Variants in STRN observed in about 807,000 individuals in gnomAD.
STRN encodes striatin, also known as protein phosphatase 2 regulatory subunit B'''alpha.
In STRN, 53 loss-of-function variants were observed where a neutral mutation model predicts 96.3. That is an observed-to-expected ratio of 0.55 (90% CI 0.44 to 0.69). STRN has a LOEUF of 0.69. Ranked by LOEUF, STRN falls within the 30% of genes least tolerant of loss-of-function variation. The probability of loss-of-function intolerance (pLI) is 0.00; values close to 1 mark genes in which losing one functional copy is unlikely to be tolerated. For synonymous variants in STRN, 428 were observed against 355.9 expected, an observed-to-expected ratio of 1.20 and a Z score of -2.28; for missense variants, 987 against 963.9, an observed-to-expected ratio of 1.02 and a Z score of -0.32.
At chr2:36,862,804 G>C (rs1668525646) in intron 12 of STRN, among the ~76,000 whole-genome samples, 2 of 151,090 alleles carry the variant, frequency 1.3e-5, no homozygotes, top group South Asian at 4.2e-4. Flanking sequence ...GCGCGATCTT[G>C]GCTCACTGCA....
chr2:36,908,967 C>A (rs866968093), intron 3 of STRN, among the ~76,000 whole-genome samples: 7 of 148,824 alleles, frequency 4.7e-5, no homozygotes, highest in Admixed American at 2.0e-4. Context: ...GGCGACAGAG[C>A]AAGCCTCTAT....
intron 1 of STRN, among the ~76,000 whole-genome samples, chr2:36,950,407 G>A (rs1165428570): frequency 1.3e-5 from 2 of 152,010 alleles, no homozygotes; most frequent in African/African-American, 2.4e-5. Flanking sequence ...GTAGAGATGA[G>A]GTTTCACCAT....
At chr2:36,918,224 G>A (rs942221057) in intron 2 of STRN, among the ~76,000 whole-genome samples, 26 of 152,088 alleles carry the variant, frequency 1.7e-4, no homozygotes, top group African/African-American at 6.0e-4. Context: ...TTGATCATCA[G>A]AAGGTAAGAT....
intron 1 of STRN, among the ~76,000 whole-genome samples, chr2:36,937,926 T>C (rs1670748126): frequency 6.6e-6 from 1 of 151,760 alleles, no homozygotes; most frequent in African/African-American, 2.4e-5. Flanking sequence ...TAAAGAAAAG[T>C]AGGGGAAAAA....
At chr2:36,943,464 A>G (rs1240514344) in intron 1 of STRN, among the ~76,000 whole-genome samples, 1 of 152,040 alleles carries the variant, frequency 6.6e-6, no homozygotes, top group Non-Finnish European at 1.5e-5. Context: ...TCTAAGTATT[A>G]TATTTATTAA....
At position 36,847,168 on chromosome 2, in the gene STRN, T is replaced by C. The variant is rs1198250760; in HGVS notation, c.*2288A>G. ...TCTAAGGAACTTTCAACAGTTCCAT[T>C]TGCGCTACAGTCTATGTATCTCATG... On this transcript the variant is annotated 3_prime_UTR_variant, in exon 18 of 18. Coordinates refer to ENST00000263918, the MANE Select transcript of STRN (RefSeq NM_003162.4). 1 of 152,176 alleles carries C rather than the reference T, an allele frequency of 6.6e-6. No homozygotes were observed. The highest frequency in any genetic ancestry group is 1.5e-5 in the Non-Finnish European group (1 of 68,016). 9.4% of individuals were successfully genotyped at this position (152,176 alleles called of 1,614,324 possible). A position where few individuals can be genotyped will look rare whatever the true frequency, so the allele number is the denominator to read the frequency against.
chr2:36,882,188 AAAAAAAACAAG>A (rs1156390121), intron 9 of STRN, among the ~76,000 whole-genome samples: 1 of 151,956 alleles, frequency 6.6e-6, no homozygotes, highest in Non-Finnish European at 1.5e-5. Flanking sequence ...TAATTTATTA[AAAAAAAACAAG>A]AAAAAAACAT....
Position 36,966,260 on chromosome 2 carries a change from G to T in STRN, c.204C>A (p.Ala68=), listed in dbSNP as rs367721265. The T allele has an allele frequency of 2.0e-5, 31 of 1,587,226 alleles. No homozygotes were observed. The highest frequency in any genetic ancestry group is 6.8e-6 in the Non-Finnish European group (8 of 1,168,878). ...GCTCCGCCCGCTCCACCTCCCACTG[G>T]GCTCTCTCCACCTCGAAGCGGGCCC... is the stretch of plus-strand genomic sequence containing the variant. The part of the protein sequence containing the change: ...HEWARFEVER[A]QWEVERAELQ... Residue 68 remains alanine (A), a synonymous_variant, in exon 1 of 18, where the codon GCC becomes GCA. Transcript: ENST00000263918.
chr2:36,894,394 C>T (rs1202258648), intron 6 of STRN, among the ~76,000 whole-genome samples: 1 of 152,012 alleles, frequency 6.6e-6, no homozygotes, highest in South Asian at 2.1e-4. Context: ...TATTTTTTTC[C>T]CTAAAATGTT....
At chr2:36,929,648 G>T (rs200795049) in intron 1 of STRN, among the ~76,000 whole-genome samples, 1 of 152,134 alleles carries the variant, frequency 6.6e-6, no homozygotes, top group Non-Finnish European at 1.5e-5. Flanking sequence ...CTCCCTAAGC[G>T]CTGGGATTAC....
chr2:36,964,492 C>G (rs1335538815), intron 1 of STRN, among the ~76,000 whole-genome samples: 1 of 152,014 alleles, frequency 6.6e-6, no homozygotes, highest in Non-Finnish European at 1.5e-5. Context: ...TTGTTGGAGA[C>G]TATATAAACA....
chr2:36,852,329 G>A (rs1164229388), intron 15 of STRN, among the ~76,000 whole-genome samples: 1 of 152,154 alleles, frequency 6.6e-6, no homozygotes, highest in East Asian at 1.9e-4. Context: ...TCCAGGGAGA[G>A]GAAGGGGTGT....
intron 7 of STRN, among the ~76,000 whole-genome samples, chr2:36,887,152 G>C (rs1432836141): frequency 1.3e-5 from 2 of 151,648 alleles, no homozygotes; most frequent in Non-Finnish European, 2.9e-5. Context: ...TTCTCGGCCA[G>C]GTGGGGTGGC....
intron 1 of STRN, among the ~76,000 whole-genome samples, chr2:36,942,074 G>A (rs1375179441): frequency 6.6e-6 from 1 of 152,116 alleles, no homozygotes; most frequent in Admixed American, 6.5e-5. Context: ...TGACCAATGA[G>A]TGATACATGT....
At chr2:36,934,119 A>G (rs575020092) in intron 1 of STRN, among the ~76,000 whole-genome samples, 23 of 152,322 alleles carry the variant, frequency 1.5e-4, no homozygotes, top group African/African-American at 4.8e-4. Context: ...GAAAGAAAAA[A>G]GAAAAAAAAC....
At chr2:36,900,505 G>C (rs966646671) in intron 5 of STRN, among the ~76,000 whole-genome samples, 1 of 152,164 alleles carries the variant, frequency 6.6e-6, no homozygotes, top group Non-Finnish European at 1.5e-5. Context: ...ATTGCTACTA[G>C]ACTCGACCCT....
intron 1 of STRN, among the ~76,000 whole-genome samples, chr2:36,927,651 G>C (rs1359527807): frequency 5.9e-5 from 9 of 151,270 alleles, no homozygotes; most frequent in African/African-American, 1.9e-4. Flanking sequence ...AACATACCAA[G>C]ACATCTCATA....
chr2:36,906,016 A>G (rs1374255727), intron 3 of STRN, among the ~76,000 whole-genome samples: 1 of 152,226 alleles, frequency 6.6e-6, no homozygotes, highest in Non-Finnish European at 1.5e-5. Context: ...AACTAAGGGT[A>G]TAACTGGATT....
At chr2:36,932,337 TAG>T (rs1403875317) in intron 1 of STRN, among the ~76,000 whole-genome samples, 1 of 151,932 alleles carries the variant, frequency 6.6e-6, no homozygotes, top group Non-Finnish European at 1.5e-5. Flanking sequence ...GTATTTTTAG[TAG>T]AGACAGGGTT....
Sources: gnomAD v4.1 joint callset for allele counts (sites outside exome capture counted in the v4.1 genomes callset) on GRCh38, gnomAD v4.1.1 for gene constraint, MANE v1.5 for transcripts, NCBI Gene and HGNC (gene_info 2026-07-23, HGNC 2026-07-21) for gene names.